BCR: variants seen among roughly 807,000 people sequenced by gnomAD.
The protein encoded by BCR is BCR activator of RhoGEF and GTPase, also known as breakpoint cluster region protein.
In BCR, 58 loss-of-function variants were observed where a neutral mutation model predicts 138.6. The observed-to-expected ratio is 0.42, with a 90% CI of 0.34 to 0.52. The LOEUF (loss-of-function observed/expected upper bound fraction) is 0.52. Among genes scored for constraint, BCR ranks in the 20% least tolerant of loss-of-function variants. The pLI, the probability that BCR is intolerant of heterozygous loss-of-function variation, is 0.06. For missense variants in BCR, 1,599 were observed against 1,727.2 expected (o/e 0.93, Z 1.32); for synonymous variants, 786 against 730.1 (o/e 1.08, Z -1.23).
intron 1 of BCR, among the ~76,000 whole-genome samples, chr22:23,218,083 T>A (rs1008830966): frequency 6.6e-6 from 1 of 152,214 alleles, no homozygotes; most frequent in South Asian, 2.1e-4. Context: ...CCCTGTCGCA[T>A]TGGCATCCCT....
intron 1 of BCR, among the ~76,000 whole-genome samples, chr22:23,242,369 C>A (rs1341157657): frequency 6.6e-6 from 1 of 152,124 alleles, no homozygotes; most frequent in African/African-American, 2.4e-5. Flanking sequence ...TATTTTCTCC[C>A]CTGGTTCAAG....
chr22:23,226,319 AGAGAGAGAGT>A (rs963606962), intron 1 of BCR, among the ~76,000 whole-genome samples: 52 of 123,404 alleles, frequency 4.2e-4, no homozygotes, highest in African/African-American at 1.4e-3. Context: ...AGAGAGAGAG[AGAGAGAGAGT>A]GTGTGTGTGT....
chr22:23,234,265 C>T (rs913479900), intron 1 of BCR, among the ~76,000 whole-genome samples: 5 of 152,204 alleles, frequency 3.3e-5, no homozygotes, highest in African/African-American at 1.2e-4. Flanking sequence ...ACCTCTGTCA[C>T]TCCCAAGTCC....
intron 16 of BCR, among the ~76,000 whole-genome samples, chr22:23,296,690 C>T (rs2073848949): frequency 6.6e-6 from 1 of 152,234 alleles, no homozygotes; most frequent in Admixed American, 6.5e-5. Context: ...TGCCTGTATT[C>T]CAGCTACTCA....
intron 16 of BCR, among the ~76,000 whole-genome samples, chr22:23,297,485 C>T (rs2073859489): frequency 6.6e-6 from 1 of 152,124 alleles, no homozygotes; most frequent in South Asian, 2.1e-4. Context: ...CCTGGGTATT[C>T]AGGGAGGTAG....
Position 23,181,668 on chromosome 22 carries a change from G to T in BCR, c.708G>T (p.Ser236=). The change falls in exon 1 of 23, where the codon TCG becomes TCT. Residue 236 remains serine (S), a synonymous_variant. Transcript: ENST00000305877. ...ASRPPYRGRS[S]ESSCGVDGDY... The stretch of plus-strand genomic sequence containing the variant: ...GGCCCCCTTACCGGGGACGCTCCTC[G>T]GAGAGCAGCTGCGGCGTCGACGGCG... The T allele has an allele frequency of 6.2e-7, 1 of 1,607,398 alleles. No homozygotes were observed. Among genetic ancestry groups the T allele is most frequent in the South Asian group, 1.1e-5 (1 of 91,068 alleles).
At chr22:23,261,702 G>A in intron 4 of BCR, 162 bp downstream of exon 4, 1 of 611,788 alleles carries the variant, frequency 1.6e-6, no homozygotes, top group Non-Finnish European at 2.6e-6. Flanking sequence ...AAAGTACTGA[G>A]ATTACAGGCG....
intron 2 of BCR, 116 bp from the exon 3 acceptor site, chr22:23,260,834 G>T (rs779526967): frequency 1.1e-6 from 1 of 950,624 alleles, no homozygotes; most frequent in Non-Finnish European, 1.7e-6. Flanking sequence ...TGGAGCCTTT[G>T]TGGGGGCAGG....
intron 1 of BCR, among the ~76,000 whole-genome samples, chr22:23,219,630 G>T (rs1343188565): frequency 1.3e-5 from 2 of 152,224 alleles, no homozygotes; most frequent in African/African-American, 4.8e-5. Flanking sequence ...CTCCACGCTC[G>T]TGGGCACTGG....
Position 23,182,267 on chromosome 22 carries a change from C to T in BCR, c.1279+28C>T, listed in dbSNP as rs772764527. On this transcript the variant is annotated intron_variant, in intron 1 of 22. Transcript: ENST00000305877. Reference sequence around the variant, plus strand: ...GAGTTCCTCACGCCACGTGCGTGGGCACACCTGCACGGGGGAGGAAAACCA... The same window carrying T: ...GAGTTCCTCACGCCACGTGCGTGGGTACACCTGCACGGGGGAGGAAAACCA... 4.0e-6 allele frequency: 6 copies of T among 1,511,308 alleles called. No homozygotes were observed. The African/African-American group carries it at 8.3e-5, about 21-fold the overall frequency. The allele number at this position is 1,511,308 out of a possible 1,614,324, so 93.6% of individuals were successfully genotyped here.
rs1476782601 is a variant in BCR, at chr22:23,181,070, G to T, written c.110G>T (p.Arg37Leu). The T allele has an allele frequency of 2.0e-6, 3 of 1,520,970 alleles. No individual in the cohort carries two copies. The highest frequency in any genetic ancestry group is 2.7e-6 in the Non-Finnish European group (3 of 1,129,090). 94.2% of individuals were successfully genotyped at this position (1,520,970 alleles called of 1,614,324 possible). A position where few individuals can be genotyped will look rare whatever the true frequency, so the allele number is the denominator to read the frequency against. The change falls in exon 1 of 23, where the codon CGC (arginine) becomes CTC (leucine). Residue 37 changes from arginine (R) to leucine (L), a missense_variant. Around this residue, in one of 4 missense-constraint regions of BCR, gnomAD observed 806 missense variants for 635.0 expected, o/e 1.27. Transcript: ENST00000305877. ...SVGDIEQELE[R>L]CKASIRRLEQ... is the part of the protein sequence containing the mutation. The stretch of plus-strand genomic sequence containing the variant: ...GGCGACATCGAGCAGGAGCTGGAGC[G>T]CTGCAAGGCCTCCATTCGGCGCCTG...
intron 1 of BCR, among the ~76,000 whole-genome samples, chr22:23,222,115 G>A (rs1884735285): frequency 6.6e-6 from 1 of 151,182 alleles, no homozygotes; most frequent in Admixed American, 6.6e-5. Context: ...AGAGAGAGAA[G>A]TGATAGCCCT....
chr22:23,245,582 G>A lies in BCR; in HGVS notation c.1280-8217G>A, dbSNP rs115025812. Among the ~76,000 whole-genome samples, 753 of 152,202 alleles carry A rather than the reference G, an allele frequency of 4.9e-3. 5 individuals are homozygous for A. The highest frequency in any genetic ancestry group is 0.017 in the African/African-American group (719 of 41,540). ...TTTATAAAGAATTTTGAGGCACTTGGCGTGGATGCAAGAAGGGGCAGCTGC... is the reference window on the plus strand; with the variant it reads ...TTTATAAAGAATTTTGAGGCACTTGACGTGGATGCAAGAAGGGGCAGCTGC... On this transcript the variant is annotated intron_variant, in intron 1 of 22. Coordinates refer to ENST00000305877, the MANE Select transcript of BCR (RefSeq NM_004327.4).
intron 1 of BCR, among the ~76,000 whole-genome samples, chr22:23,201,662 A>G (rs2072555275): frequency 6.6e-6 from 1 of 152,098 alleles, no homozygotes; most frequent in Non-Finnish European, 1.5e-5. Context: ...TCACCATGTT[A>G]GCCAGGATGG....
intron 7 of BCR, among the ~76,000 whole-genome samples, 183 bp from the exon 8 acceptor site, chr22:23,273,451 G>C (rs932771789): frequency 2.6e-5 from 4 of 152,214 alleles, no homozygotes; most frequent in South Asian, 2.1e-4. Flanking sequence ...TGTAGGACCT[G>C]CTTCCAGGAT....
chr22:23,184,903 G>A (rs1372328632), intron 1 of BCR, among the ~76,000 whole-genome samples: 3 of 152,054 alleles, frequency 2.0e-5, no homozygotes, highest in Admixed American at 2.0e-4. Context: ...GGAACAATGA[G>A]GAAAATCACT....
At chr22:23,228,284 T>G (rs760883345) in intron 1 of BCR, among the ~76,000 whole-genome samples, 13 of 152,224 alleles carry the variant, frequency 8.5e-5, no homozygotes, top group Non-Finnish European at 1.6e-4. Flanking sequence ...ATATATTGCA[T>G]TTTTATTTTC....
At chr22:23,290,137 G>A (rs1568976029) in intron 13 of BCR, 5 of 652,202 alleles carry the variant, frequency 7.7e-6, no homozygotes, top group Non-Finnish European at 1.4e-5. Context: ...TGCCTGTATT[G>A]TGAAACCAGC....
intron 16 of BCR, among the ~76,000 whole-genome samples, chr22:23,303,311 C>T (rs986792613): frequency 2.0e-5 from 3 of 152,144 alleles, no homozygotes; most frequent in Non-Finnish European, 2.9e-5. Flanking sequence ...GATCACGTCA[C>T]AGGGGACGTG....
Sources: allele counts gnomAD v4.1 joint callset (sites outside exome capture counted in the v4.1 genomes callset), GRCh38; gene constraint gnomAD v4.1.1; regional missense constraint gnomAD v4.1.1; transcripts MANE v1.5; gene names NCBI Gene and HGNC (gene_info 2026-07-23, HGNC 2026-07-21).